TANK: variants seen among roughly 807,000 people sequenced by gnomAD.
The protein encoded by TANK is TRAF family member-associated NF-kappa-B activator.
TANK carries 15 observed loss-of-function variants against 43.6 expected under a neutral mutation model. That is an observed-to-expected ratio of 0.34 (90% CI 0.23 to 0.53). The LOEUF (loss-of-function observed/expected upper bound fraction) is 0.53. TANK is among the 20% of genes least tolerant of loss of function. The probability of loss-of-function intolerance (pLI) is 0.94; values close to 1 mark genes in which losing one functional copy is unlikely to be tolerated. For missense variants in TANK, 417 were observed against 498.6 expected, an observed-to-expected ratio of 0.84 and a Z score of 1.56; for synonymous variants, 162 against 178.2, an observed-to-expected ratio of 0.91 and a Z score of 0.73.
At chr2:161,213,318 T>A (rs948620461) in intron 4 of TANK, among the ~76,000 whole-genome samples, 5 of 152,000 alleles carry the variant, frequency 3.3e-5, no homozygotes, top group Admixed American at 3.3e-4. Flanking sequence ...GTTCTCAAAA[T>A]CTGGCTGGGC....
At chr2:161,179,972 G>T in intron 2 of TANK, 1 of 1,236,676 alleles carries the variant, frequency 8.1e-7, no homozygotes. Context: ...GATTTGATGG[G>T]CTCCTTTTCA....
intron 2 of TANK, chr2:161,200,415 A>G (rs1424182407): frequency 1.1e-5 from 11 of 978,864 alleles, no homozygotes; most frequent in Non-Finnish European, 1.3e-5. Context: ...AATCAAATGA[A>G]AAAAAAAAGA....
intron 1 of TANK, among the ~76,000 whole-genome samples, chr2:161,152,747 A>G (rs1483852289): frequency 6.6e-6 from 1 of 152,210 alleles, no homozygotes; most frequent in Non-Finnish European, 1.5e-5. Flanking sequence ...ATAATTAGCC[A>G]TAATTATAAC....
intron 1 of TANK, chr2:161,162,514 C>T (rs1163754641): frequency 6.6e-6 from 1 of 151,990 alleles, no homozygotes; most frequent in Non-Finnish European, 1.5e-5. Flanking sequence ...CATCTTATCT[C>T]TTTCTTTCTT....
At chr2:161,143,809 C>G (rs563871049) in intron 1 of TANK, among the ~76,000 whole-genome samples, 5 of 152,254 alleles carry the variant, frequency 3.3e-5, no homozygotes, top group African/African-American at 1.2e-4. Flanking sequence ...GTTTTGGTAT[C>G]AGGATGATGC....
intron 1 of TANK, among the ~76,000 whole-genome samples, chr2:161,174,284 A>T (rs1469471386): frequency 6.6e-6 from 1 of 152,172 alleles, no homozygotes; most frequent in African/African-American, 2.4e-5. Flanking sequence ...AGGAGGGAAT[A>T]TATAAATGTT....
upstream of TANK, chr2:161,156,239 C>CT: frequency 2.0e-6 from 2 of 985,318 alleles, no homozygotes; most frequent in Non-Finnish European, 2.4e-6. Flanking sequence ...GTTTTTCAAG[C>CT]TTTTACTCTA....
chr2:161,172,497 A>T (rs1371853130), intron 1 of TANK, among the ~76,000 whole-genome samples: 1 of 151,528 alleles, frequency 6.6e-6, no homozygotes, highest in African/African-American at 2.4e-5. Flanking sequence ...TTTTTTTCCT[A>T]TAGATAATTA....
chr2:161,218,085 T>C (rs192790487), intron 4 of TANK, among the ~76,000 whole-genome samples: 3 of 152,276 alleles, frequency 2.0e-5, no homozygotes, highest in Admixed American at 6.5e-5. Context: ...AGTGACTCGT[T>C]TGGCAAAACT....
chr2:161,156,840 T>G (rs938996027), upstream of TANK, among the ~76,000 whole-genome samples: 1 of 152,240 alleles, frequency 6.6e-6, no homozygotes, highest in African/African-American at 2.4e-5. Flanking sequence ...AATTCCTGGT[T>G]AATCAGAAAC....
chr2:161,161,984 C>G (rs1684461199), intron 1 of TANK: 1 of 152,132 alleles, frequency 6.6e-6, no homozygotes, highest in Non-Finnish European at 1.5e-5. Context: ...TTATGATTTA[C>G]TCATTAAAAC....
intron 6 of TANK, 144 bp downstream of exon 6, chr2:161,224,890 T>G: frequency 1.9e-6 from 1 of 526,978 alleles, no homozygotes; most frequent in Non-Finnish European, 3.4e-6. Context: ...AATGTGTACA[T>G]GCTGTGTAAG....
At chr2:161,196,962 ATGTGTTGC>A (rs1686179655) in intron 2 of TANK, among the ~76,000 whole-genome samples, 1 of 152,200 alleles carries the variant, frequency 6.6e-6, no homozygotes, top group Non-Finnish European at 1.5e-5. Flanking sequence ...CATGATGATA[ATGTGTTGC>A]TGAGTTGAAA....
At chr2:161,206,589 C>A (rs1448703203) in intron 4 of TANK, among the ~76,000 whole-genome samples, 1 of 151,972 alleles carries the variant, frequency 6.6e-6, no homozygotes, top group Non-Finnish European at 1.5e-5. Context: ...TTATTTTAAA[C>A]CATTCTTTGA....
chr2:161,192,736 T>A (rs772043805), intron 2 of TANK, among the ~76,000 whole-genome samples: 13 of 152,224 alleles, frequency 8.5e-5, no homozygotes, highest in Non-Finnish European at 1.8e-4. Flanking sequence ...AAAATTAACA[T>A]TTAATGAATG....
At chr2:161,144,436 C>T (rs1485253125) in intron 1 of TANK, among the ~76,000 whole-genome samples, 2 of 152,138 alleles carry the variant, frequency 1.3e-5, no homozygotes, top group East Asian at 3.8e-4. Flanking sequence ...CTGATGTGGG[C>T]ATTTAGTGCT....
intron 1 of TANK, among the ~76,000 whole-genome samples, chr2:161,147,028 T>C (rs1004619895): frequency 2.0e-5 from 3 of 152,062 alleles, no homozygotes. Context: ...GCTGGAGTTG[T>C]TGGAGTTCCT....
At chr2:161,216,272 A>T (rs746664970) in intron 4 of TANK, 2 of 370,712 alleles carry the variant, frequency 5.4e-6, no homozygotes, top group Non-Finnish European at 1.1e-5. Context: ...TAGAAGTTAC[A>T]TCTGGACCGT....
chr2:161,185,868 A>T lies in TANK; in HGVS notation c.99+6107A>T, dbSNP rs75758421. Among the ~76,000 whole-genome samples the T allele has an allele frequency of 3.0e-3, 463 of 152,304 alleles. 2 individuals carry two copies. Among genetic ancestry groups the T allele is most frequent in the African/African-American group, 0.011 (446 of 41,570 alleles). On this transcript the variant is annotated intron_variant, in intron 2 of 7. Coordinates refer to ENST00000392749, the MANE Select transcript of TANK (RefSeq NM_001199135.3). ...CCTAAAACTTAAAGTATAATAAAAA[A>T]AATAATAATAATTCATGCCTTTTTA...
Sources: allele counts gnomAD v4.1 joint callset (sites outside exome capture counted in the v4.1 genomes callset), GRCh38; gene constraint gnomAD v4.1.1; transcripts MANE v1.5; gene names NCBI Gene and HGNC (gene_info 2026-07-23, HGNC 2026-07-21).